The following MITD1 variants were observed in gnomAD, a reference collection of about 807,000 sequenced individuals.
MITD1 encodes microtubule interacting and trafficking domain containing 1, also known as MIT domain-containing protein 1.
MITD1 carries 24 observed loss-of-function variants against 34.9 expected under a neutral mutation model. The observed-to-expected ratio is 0.69, with a 90% CI of 0.50 to 0.97. The LOEUF (loss-of-function observed/expected upper bound fraction) is 0.97. Among genes scored for constraint, MITD1 ranks in the 50% least tolerant of loss-of-function variants. The probability of loss-of-function intolerance (pLI) is 0.00; values close to 1 mark genes in which losing one functional copy is unlikely to be tolerated. For missense variants in MITD1, 266 were observed against 294.6 expected, an observed-to-expected ratio of 0.90 and a Z score of 0.71; for synonymous variants, 102 against 101.4, an observed-to-expected ratio of 1.01 and a Z score of -0.04.
At chr2:99,163,140 TTGTA>T in intron 7 of MITD1, 1 of 1,193,592 alleles carries the variant, frequency 8.4e-7, no homozygotes, top group Non-Finnish European at 1.1e-6. Flanking sequence ...TACTTGCACA[TTGTA>T]TGTCAAAAAA....
intron 1 of MITD1, among the ~76,000 whole-genome samples, chr2:99,176,356 G>A (rs922285911): frequency 4.8e-5 from 7 of 146,312 alleles, no homozygotes; most frequent in African/African-American, 7.5e-5. Flanking sequence ...TTTTTGAGAC[G>A]GAGTCTCGCT....
chr2:99,168,516 A>G (rs2093837208), downstream of MITD1, among the ~76,000 whole-genome samples: 2 of 152,148 alleles, frequency 1.3e-5, no homozygotes, highest in Admixed American at 6.6e-5. Flanking sequence ...CATGGAATCT[A>G]TTCTGTCTCC....
At chr2:99,176,001 C>T (rs1559181596) in intron 1 of MITD1, among the ~76,000 whole-genome samples, 2 of 152,002 alleles carry the variant, frequency 1.3e-5, no homozygotes, top group Non-Finnish European at 2.9e-5. Context: ...AGTGCAGTGA[C>T]ATGATCTCGG....
downstream of MITD1, among the ~76,000 whole-genome samples, chr2:99,168,946 ATTTTTTTTTT>A (rs1175310553): frequency 4.7e-3 from 232 of 49,326 alleles, no homozygotes; most frequent in Non-Finnish European, 8.1e-3. Context: ...TGCCCGGCTA[ATTTTTTTTTT>A]TTTTTTTTTT....
At chr2:99,175,236 C>T (rs2093880842) in intron 1 of MITD1, among the ~76,000 whole-genome samples, 1 of 152,120 alleles carries the variant, frequency 6.6e-6, no homozygotes, top group Admixed American at 6.6e-5. Context: ...TGAATTTCAC[C>T]AATTTTCCCA....
At chr2:99,171,763 A>G (rs1394667839) in intron 2 of MITD1, 117 bp from the exon 3 acceptor site, 1 of 959,524 alleles carries the variant, frequency 1.0e-6, no homozygotes, top group African/African-American at 1.7e-5. Flanking sequence ...TAACTTATTC[A>G]GCAAATACTT....
At chr2:99,175,566 T>C (rs909187168) in intron 1 of MITD1, among the ~76,000 whole-genome samples, 1 of 152,194 alleles carries the variant, frequency 6.6e-6, no homozygotes, top group African/African-American at 2.4e-5. Flanking sequence ...TAGTTCAGAT[T>C]TCTCCACTGT....
downstream of MITD1, among the ~76,000 whole-genome samples, chr2:99,164,776 C>A (rs1419022289): frequency 6.6e-6 from 1 of 152,062 alleles, no homozygotes; most frequent in Non-Finnish European, 1.5e-5. Context: ...TTGTTACCAC[C>A]TATGAAAATT....
At chr2:99,161,696 A>G (rs1190605419), downstream of MITD1, 4 of 348,296 alleles carry the variant, frequency 1.1e-5, no homozygotes, top group Non-Finnish European at 2.1e-5. Context: ...AAGATATATT[A>G]CATAATGTAT....
At chr2:99,165,833 G>A (rs180910327), downstream of MITD1, among the ~76,000 whole-genome samples, 1 of 152,172 alleles carries the variant, frequency 6.6e-6, no homozygotes, top group Non-Finnish European at 1.5e-5. Context: ...CACTAGTGAT[G>A]CAGAACATCT....
chr2:99,173,250 A>T, intron 2 of MITD1: 1 of 277,062 alleles, frequency 3.6e-6, no homozygotes, highest in Admixed American at 3.9e-5. Flanking sequence ...TATAGAGAGG[A>T]AGAAAAGCTG....
rs1196216097 is a variant in MITD1, at chr2:99,169,471, C to CT, written c.655-2dup. On this transcript the variant is annotated splice_acceptor_variant, in intron 6 of 6. Transcript: ENST00000289359. LOFTEE classifies it high-confidence loss of function. ...CACAATATCCAAGGGAAAAACGACT[C>CT]TAAGAAGAGAAGAAAAGAGTATCAT... The CT allele has an allele frequency of 5.0e-6, 8 of 1,608,620 alleles. No homozygotes were observed. The highest frequency in any genetic ancestry group is 6.8e-6 in the Non-Finnish European group (8 of 1,176,742).
chr2:99,166,855 TTAAATATATATA>T (rs1251714711), downstream of MITD1, among the ~76,000 whole-genome samples: 1 of 96,088 alleles, frequency 1.0e-5, no homozygotes, highest in Non-Finnish European at 2.2e-5. Context: ...AAGTGGGGTT[TTAAATATATATA>T]TATATATATA....
intron 1 of MITD1, among the ~76,000 whole-genome samples, chr2:99,174,447 T>C (rs1165810642): frequency 1.3e-5 from 2 of 152,208 alleles, no homozygotes; most frequent in African/African-American, 4.8e-5. Context: ...TTTTTCCAGC[T>C]ACCACAAAAA....
At position 99,173,953 on chromosome 2, in the gene MITD1, G is replaced by A. The variant is rs372666199; in HGVS notation, c.215C>T (p.Ala72Val). Residue 72 changes from alanine to valine, a missense_variant, in exon 2 of 7, where the codon GCG becomes GTG. Coordinates refer to ENST00000289359, the MANE Select transcript of MITD1 (RefSeq NM_138798.3). ...REKISKYMDR[A>V]ENIKKYLDQE... ...GTCCAAGTACTTCTTTATGTTTTCC[G>A]CTCTGTCCATGTATTTGGAAATTTT... 1.1e-5 allele frequency: 18 copies of A among 1,608,874 alleles called. No individual in the cohort carries two copies. The highest frequency in any genetic ancestry group is 4.0e-5 in the African/African-American group (3 of 74,750).
intron 2 of MITD1, 90 bp from the exon 3 acceptor site, chr2:99,171,736 A>C (rs1480143239): frequency 8.0e-7 from 1 of 1,248,164 alleles, no homozygotes; most frequent in Non-Finnish European, 1.1e-6. Context: ...TCAGCATCAG[A>C]TACATATTAA....
Position 99,162,917 on chromosome 2 carries a change from A to G in MITD1, c.*4-699T>C, listed in dbSNP as rs747005306. ...TTGAAGCACCTGATCATTGGTTGCC[A>G]TTGGAAATACGTGACAAATTAAATT... On this transcript the variant is annotated intron_variant, in intron 7 of 7. Transcript: ENST00000422537. The G allele has an allele frequency of 6.2e-6, 10 of 1,613,756 alleles. No homozygotes were observed. In the East Asian group the frequency reaches 2.0e-4, roughly 32 times the overall value.
At chr2:99,173,816 CCAGACCACA>C in intron 2 of MITD1, 90 bp downstream of exon 2, 2 of 757,312 alleles carry the variant, frequency 2.6e-6, no homozygotes, top group Non-Finnish European at 4.6e-6. Flanking sequence ...GACAACTGGT[CCAGACCACA>C]CAGAGCTCCA....
At chr2:99,170,743 T>C (rs1204486197) in intron 4 of MITD1, 91 bp from the exon 5 acceptor site, 6 of 600,432 alleles carry the variant, frequency 1.0e-5, no homozygotes, top group Non-Finnish European at 1.8e-5. Flanking sequence ...ACAGGTGGAT[T>C]AAGATGGAAA....
Sources: gnomAD v4.1 joint callset for allele counts (sites outside exome capture counted in the v4.1 genomes callset) on GRCh38, gnomAD v4.1.1 for gene constraint, MANE v1.5 for transcripts, NCBI Gene and HGNC (gene_info 2026-07-23, HGNC 2026-07-21) for gene names.